SNX19: variants seen among roughly 807,000 people sequenced by gnomAD.
The protein encoded by SNX19 is sorting nexin-19.
A neutral mutation model predicts 85.2 loss-of-function variants in SNX19; 60 were observed. That is an observed-to-expected ratio of 0.70 (90% confidence interval 0.57 to 0.87). The LOEUF (loss-of-function observed/expected upper bound fraction) is 0.87, where lower values mean the gene tolerates loss of function less well. Ranked by LOEUF, SNX19 falls within the 40% of genes least tolerant of loss-of-function variation. The pLI is 0.00. For missense variants in SNX19, 1,201 were observed against 1,217.8 expected, an observed-to-expected ratio of 0.99 and a Z score of 0.21; for synonymous variants, 520 against 470.0, an observed-to-expected ratio of 1.11 and a Z score of -1.38.
At chr11:130,888,971 T>C (rs971769713) in intron 8 of SNX19, among the ~76,000 whole-genome samples, 5 of 152,204 alleles carry the variant, frequency 3.3e-5, no homozygotes, top group South Asian at 2.1e-4. Context: ...TAGCAAATAA[T>C]AGACCCATTC....
At chr11:130,910,496 A>T in intron 2 of SNX19, 126 bp from the exon 3 acceptor site, 2 of 715,354 alleles carry the variant, frequency 2.8e-6, no homozygotes, top group South Asian at 4.0e-5. Context: ...AAACAATTTC[A>T]GGACTTCCAA....
At chr11:130,896,303 TC>T (rs2135350005) in intron 8 of SNX19, among the ~76,000 whole-genome samples, 1 of 152,290 alleles carries the variant, frequency 6.6e-6, no homozygotes, top group African/African-American at 2.4e-5. Flanking sequence ...AAACTCTGAG[TC>T]TTAACGTTGA....
chr11:130,914,523 C>G lies in SNX19; in HGVS notation c.1417G>C (p.Glu473Gln). The G allele has an allele frequency of 6.2e-7, 1 of 1,613,958 alleles. No homozygotes were observed. The highest frequency in any genetic ancestry group is 8.5e-7 in the Non-Finnish European group (1 of 1,179,870). Residue 473 changes from glutamate to glutamine, a missense_variant, in exon 1 of 11, where the codon GAA (glutamate) becomes CAA (glutamine). Coordinates refer to ENST00000265909, the MANE Select transcript of SNX19 (RefSeq NM_014758.3). ...ASVTALLEGP[E>Q]KTCPSRPSCL... ...GACGGCCGTGAGGGGCAGGTCTTTT[C>G]TGGCCCCTCCAGCAAAGCTGTAACA...
At position 130,878,544 on chromosome 11, in the gene SNX19, A is replaced by G. The variant is rs768003324; in HGVS notation, c.2857T>C (p.Tyr953His). 2.5e-6 allele frequency: 4 copies of G among 1,613,084 alleles called. No individual in the cohort carries two copies. The Admixed American group carries it at 5.0e-5, about 20-fold the overall frequency. Residue 953 changes from tyrosine to histidine, a missense_variant, in exon 11 of 11, where the codon TAC becomes CAC. Physicochemically the swap from Tyr to His is moderately conservative, Grantham distance 83. Coordinates refer to ENST00000265909, the MANE Select transcript of SNX19 (RefSeq NM_014758.3). ...TCCAGGATGATGTCCCCAAGGCAGT[A>G]AATCAAATGCCTGAAACGAATGGAC... ...QQPLINRHLI[Y>H]CLGDIILEFL... is the part of the protein sequence containing the mutation.
At chr11:130,881,314 A>T (rs1312342754) in intron 8 of SNX19, among the ~76,000 whole-genome samples, 1 of 152,232 alleles carries the variant, frequency 6.6e-6, no homozygotes, top group Non-Finnish European at 1.5e-5. Context: ...ACAGAATTTG[A>T]AGATGAGTAA....
chr11:130,875,250 G>A lies in SNX19; in HGVS notation c.*3172C>T, dbSNP rs1281822364. 6.6e-6 allele frequency among the ~76,000 whole-genome samples: 1 copy of A among 152,206 alleles called. No homozygotes were observed. Among genetic ancestry groups the A allele is most frequent in the Non-Finnish European group, 1.5e-5 (1 of 68,042 alleles). ...ACATTATGCTAAGTGAAATAAGCCA[G>A]TCAAAGGACAAACACTGCATGATTC... On this transcript the variant is annotated 3_prime_UTR_variant, in exon 11 of 11. Transcript: ENST00000265909.
chr11:130,913,484 C>T (rs1047179099), intron 1 of SNX19, among the ~76,000 whole-genome samples: 1 of 152,274 alleles, frequency 6.6e-6, no homozygotes, highest in Non-Finnish European at 1.5e-5. Context: ...CTGTGTTGAG[C>T]AGATCAAGGA....
At chr11:130,884,622 C>A (rs934964092) in intron 8 of SNX19, among the ~76,000 whole-genome samples, 2 of 152,134 alleles carry the variant, frequency 1.3e-5, no homozygotes, top group Non-Finnish European at 2.9e-5. Context: ...AATCCCAGCA[C>A]TTTGGAAGGC....
intron 8 of SNX19, chr11:130,895,283 G>A (rs1174098362): frequency 1.0e-6 from 1 of 978,034 alleles, no homozygotes; most frequent in East Asian, 1.1e-4. Flanking sequence ...GGTATGCCCT[G>A]TGTGGAGGGA....
At chr11:130,891,669 G>A (rs1041663818) in intron 8 of SNX19, among the ~76,000 whole-genome samples, 2 of 152,036 alleles carry the variant, frequency 1.3e-5, no homozygotes, top group African/African-American at 4.8e-5. Flanking sequence ...GCAGAATGGG[G>A]GAGGAAAGAC....
rs1158603454 is a variant in SNX19, at chr11:130,868,022, G to A, written c.*10400C>T. The A allele has an allele frequency of 6.6e-6, 1 of 152,144 alleles. No individual in the cohort carries two copies. The highest frequency in any genetic ancestry group is 1.5e-5 in the Non-Finnish European group (1 of 68,012). 9.4% of individuals were successfully genotyped at this position (152,144 alleles called of 1,614,324 possible). A position where few individuals can be genotyped will look rare whatever the true frequency, so the allele number is the denominator to read the frequency against. On this transcript the variant is annotated 3_prime_UTR_variant, in exon 11 of 11. Coordinates refer to ENST00000265909, the MANE Select transcript of SNX19 (RefSeq NM_014758.3). ...CTGTGACAATGCCAAAGAACGAAAT[G>A]ATTTTTTAAAAAATCTCTTCTCTGA... is the stretch of plus-strand genomic sequence containing the variant.
intron 8 of SNX19, among the ~76,000 whole-genome samples, chr11:130,901,335 A>G (rs910324249): frequency 2.0e-5 from 3 of 152,228 alleles, no homozygotes; most frequent in African/African-American, 7.2e-5. Context: ...AAACTTTGCA[A>G]GTTAGAGAAG....
At chr11:130,904,842 C>A (rs1460009031) in intron 7 of SNX19, among the ~76,000 whole-genome samples, 1 of 152,134 alleles carries the variant, frequency 6.6e-6, no homozygotes, top group Non-Finnish European at 1.5e-5. Flanking sequence ...ACCACACTGA[C>A]CCTGCCCCCC....
chr11:130,882,746 C>T (rs1034440615), intron 8 of SNX19, among the ~76,000 whole-genome samples: 6 of 152,192 alleles, frequency 3.9e-5, no homozygotes, highest in African/African-American at 1.2e-4. Flanking sequence ...ATGACCTGAT[C>T]GGCTTCTCTG....
In SNX19 at chr11:130,873,595, TA is replaced by T. The variant is rs1943109727; in HGVS notation, c.*4826del. Among the ~76,000 whole-genome samples, 1 of 152,154 alleles carries T rather than the reference TA, an allele frequency of 6.6e-6. No individual in the cohort carries two copies. Among genetic ancestry groups the T allele is most frequent in the African/African-American group, 2.4e-5 (1 of 41,434 alleles). On this transcript the variant is annotated 3_prime_UTR_variant, in exon 11 of 11. Coordinates refer to ENST00000265909, the MANE Select transcript of SNX19 (RefSeq NM_014758.3). ...GTTCCCCACCTAGAAAATGGGGATA[TA>T]TTAGATTGGTGCAAAAGTAATTGCA... is the stretch of plus-strand genomic sequence containing the variant.
At chr11:130,900,737 G>C (rs1426028229) in intron 8 of SNX19, among the ~76,000 whole-genome samples, 7 of 151,806 alleles carry the variant, frequency 4.6e-5, no homozygotes, top group Admixed American at 3.3e-4. Flanking sequence ...AAGGAGAAGG[G>C]GTCATATTAG....
intron 2 of SNX19, among the ~76,000 whole-genome samples, chr11:130,910,936 T>A (rs1487559963): frequency 1.3e-5 from 2 of 152,216 alleles, no homozygotes; most frequent in African/African-American, 4.8e-5. Flanking sequence ...AGCTCACATC[T>A]GTAATCCCAG....
chr11:130,916,031 T>C lies in SNX19; in HGVS notation c.-92A>G, dbSNP rs1946564583. On this transcript the variant is annotated 5_prime_UTR_variant, in exon 1 of 11. Transcript: ENST00000265909. ...GGGGGCATGAACTGTGTCTCAGATA[T>C]GGGGCGATCTGGGTGCTGTTCAGGG... The C allele has an allele frequency of 8.7e-7, 1 of 1,145,776 alleles. No homozygotes were observed. Among genetic ancestry groups the C allele is most frequent in the Non-Finnish European group, 1.2e-6 (1 of 804,386 alleles). The allele number at this position is 1,145,776 out of a possible 1,614,324, so 71.0% of individuals were successfully genotyped here.
chr11:130,907,762 C>G (rs1945780904), intron 5 of SNX19, among the ~76,000 whole-genome samples, 191 bp downstream of exon 5: 1 of 152,206 alleles, frequency 6.6e-6, no homozygotes, highest in South Asian at 2.1e-4. Context: ...TTCAGCAGTG[C>G]TGCCTCTGCA....
Sources: gnomAD v4.1 joint callset for allele counts (sites outside exome capture counted in the v4.1 genomes callset) on GRCh38, gnomAD v4.1.1 for gene constraint, MANE v1.5 for transcripts, NCBI Gene and HGNC (gene_info 2026-07-23, HGNC 2026-07-21) for gene names.